Variants in ADAMTS19 observed in about 807,000 individuals in gnomAD.
ADAMTS19 encodes the protein ADAM metallopeptidase with thrombospondin type 1 motif 19, also known as A disintegrin and metalloproteinase with thrombospondin motifs 19.
A neutral mutation model predicts 153.3 loss-of-function variants in ADAMTS19; 93 were observed. That is an observed-to-expected ratio of 0.61 (90% confidence interval 0.51 to 0.72). The LOEUF (loss-of-function observed/expected upper bound fraction) is 0.72, where lower values mean the gene tolerates loss of function less well. ADAMTS19 is among the 30% of genes least tolerant of loss of function. ADAMTS19 has a pLI of 0.00. For missense variants in ADAMTS19, 1,482 were observed against 1,552.1 expected (o/e 0.95, Z 0.76); for synonymous variants, 600 against 556.6 (o/e 1.08, Z -1.10).
At chr5:129,596,326 T>A (rs1181562124) in intron 7 of ADAMTS19, among the ~76,000 whole-genome samples, 1 of 152,098 alleles carries the variant, frequency 6.6e-6, no homozygotes, top group Non-Finnish European at 1.5e-5. Context: ...AACTTGATAA[T>A]TGGTAAAATA....
chr5:129,604,361 A>G (rs2126937030), intron 8 of ADAMTS19, among the ~76,000 whole-genome samples: 1 of 152,252 alleles, frequency 6.6e-6, no homozygotes, highest in Admixed American at 6.5e-5. Flanking sequence ...CAAAGTTCAT[A>G]TACCCCCTCA....
At chr5:129,684,903 C>T (rs1327038023) in intron 18 of ADAMTS19, among the ~76,000 whole-genome samples, 1 of 151,680 alleles carries the variant, frequency 6.6e-6, no homozygotes, top group African/African-American at 2.4e-5. Flanking sequence ...AGGAGAATGG[C>T]ATGAACCTGG....
chr5:129,606,247 T>C (rs985242705), intron 8 of ADAMTS19, among the ~76,000 whole-genome samples: 3 of 152,190 alleles, frequency 2.0e-5, no homozygotes, highest in African/African-American at 7.2e-5. Context: ...CTTACTTCTC[T>C]GGAAATTGCG....
intron 8 of ADAMTS19, among the ~76,000 whole-genome samples, chr5:129,605,216 T>C (rs1750833016): frequency 6.6e-6 from 1 of 152,168 alleles, no homozygotes; most frequent in South Asian, 2.1e-4. Context: ...TTGCCTGGCT[T>C]CTTTACTCAG....
chr5:129,608,120 A>G (rs200583292), intron 8 of ADAMTS19, among the ~76,000 whole-genome samples: 3,566 of 70,128 alleles, frequency 0.051, 245 homozygotes, highest in African/African-American at 0.15. Flanking sequence ...GTGTGTGTAT[A>G]TATATATATA....
At chr5:129,626,372 T>C (rs1033122944) in intron 10 of ADAMTS19, among the ~76,000 whole-genome samples, 9 of 152,184 alleles carry the variant, frequency 5.9e-5, no homozygotes, top group African/African-American at 2.2e-4. Context: ...AACTATTTGC[T>C]CTATTTATAT....
chr5:129,462,918 A>G (rs1214156961), intron 2 of ADAMTS19, among the ~76,000 whole-genome samples: 10 of 152,170 alleles, frequency 6.6e-5, no homozygotes, highest in Non-Finnish European at 1.5e-4. Context: ...ATAGCAGAAA[A>G]TATCAGCACA....
intron 7 of ADAMTS19, among the ~76,000 whole-genome samples, chr5:129,590,575 A>C (rs1347678850): frequency 6.6e-6 from 1 of 152,200 alleles, no homozygotes; most frequent in Admixed American, 6.5e-5. Flanking sequence ...CATTTAAGAA[A>C]ATCTAGAAGG....
intron 7 of ADAMTS19, among the ~76,000 whole-genome samples, chr5:129,583,170 G>T (rs540107156): frequency 1.3e-5 from 2 of 152,206 alleles, no homozygotes; most frequent in Non-Finnish European, 2.9e-5. Flanking sequence ...CACTTATGAA[G>T]CTTAGTTTGG....
At chr5:129,698,371 T>G (rs1002766663) in intron 19 of ADAMTS19, among the ~76,000 whole-genome samples, 1 of 152,116 alleles carries the variant, frequency 6.6e-6, no homozygotes, top group African/African-American at 2.4e-5. Context: ...TCCAACCTAG[T>G]AAAAAAATTC....
chr5:129,629,058 C>CT (rs150650757), intron 10 of ADAMTS19, among the ~76,000 whole-genome samples: 3,896 of 152,126 alleles, frequency 0.026, 162 homozygotes, highest in African/African-American at 0.088. Context: ...AGTCTGTCAT[C>CT]TAAGTGCTAT....
chr5:129,695,860 T>G (rs1755528309), intron 19 of ADAMTS19, among the ~76,000 whole-genome samples: 1 of 152,124 alleles, frequency 6.6e-6, no homozygotes, highest in Non-Finnish European at 1.5e-5. Context: ...GATCTTCCCC[T>G]CACAAGAGCT....
At chr5:129,689,240 T>G (rs888398567) in intron 18 of ADAMTS19, among the ~76,000 whole-genome samples, 2 of 152,186 alleles carry the variant, frequency 1.3e-5, no homozygotes, top group African/African-American at 4.8e-5. Context: ...GTCTAGCTTA[T>G]GACTGTCCTG....
At chr5:129,680,153 T>A (rs1334024007) in intron 17 of ADAMTS19, among the ~76,000 whole-genome samples, 5 of 152,178 alleles carry the variant, frequency 3.3e-5, no homozygotes, top group African/African-American at 9.7e-5. Context: ...AGATGCAAAG[T>A]ACAGATGGAT....
intron 2 of ADAMTS19, among the ~76,000 whole-genome samples, chr5:129,504,886 C>CAA (rs1751222698): frequency 6.6e-6 from 1 of 151,554 alleles, no homozygotes; most frequent in African/African-American, 2.4e-5. Context: ...CACACACACA[C>CAA]ACACACACAC....
intron 7 of ADAMTS19, among the ~76,000 whole-genome samples, chr5:129,563,699 G>A (rs1391551044): frequency 6.6e-6 from 1 of 152,146 alleles, no homozygotes; most frequent in Non-Finnish European, 1.5e-5. Flanking sequence ...ATTTGTGAGA[G>A]ATATGCTGTT....
Position 129,486,532 on chromosome 5 carries a change from G to A in ADAMTS19, c.748-22545G>A, listed in dbSNP as rs376467330. Among the ~76,000 whole-genome samples the A allele has an allele frequency of 1.1e-3, 165 of 152,086 alleles. 2 individuals are homozygous for A. The Middle Eastern group carries it at 0.021, about 19-fold the overall frequency. ...GCAGAAAGATAACTTGACAAAATTCGGCAGTCATTTATGATCAAAACTGTC... is the reference window on the plus strand; with the variant it reads ...GCAGAAAGATAACTTGACAAAATTCAGCAGTCATTTATGATCAAAACTGTC... On this transcript the variant is annotated intron_variant, in intron 2 of 22. Coordinates refer to ENST00000274487, the MANE Select transcript of ADAMTS19 (RefSeq NM_133638.6).
chr5:129,514,868 C>T (rs2126735167), intron 3 of ADAMTS19, among the ~76,000 whole-genome samples: 1 of 152,176 alleles, frequency 6.6e-6, no homozygotes, highest in Non-Finnish European at 1.5e-5. Flanking sequence ...TTGCTGAGAC[C>T]AATGTCCTGG....
intron 6 of ADAMTS19, among the ~76,000 whole-genome samples, chr5:129,549,858 ATG>A (rs1753005490): frequency 9.0e-6 from 1 of 110,608 alleles, no homozygotes; most frequent in Non-Finnish European, 1.7e-5. Context: ...ATACATATAC[ATG>A]TATCCGTATA....
Sources: allele counts gnomAD v4.1 joint callset (sites outside exome capture counted in the v4.1 genomes callset), GRCh38; gene constraint gnomAD v4.1.1; transcripts MANE v1.5; gene names NCBI Gene and HGNC (gene_info 2026-07-23, HGNC 2026-07-21).